Variants in ETV6 observed in about 807,000 individuals in gnomAD.
ETV6 encodes the protein ETS variant transcription factor 6.
A neutral mutation model predicts 51.1 loss-of-function variants in ETV6; 16 were observed. The ratio of observed to expected loss-of-function variants is 0.31; its 90% CI spans 0.21 to 0.48. The LOEUF (loss-of-function observed/expected upper bound fraction) is 0.48, where lower values mean the gene tolerates loss of function less well. Ranked by LOEUF, ETV6 falls within the 20% of genes least tolerant of loss-of-function variation. The probability of loss-of-function intolerance (pLI) is 0.99; values close to 1 mark genes in which losing one functional copy is unlikely to be tolerated. For missense variants in ETV6, 458 were observed against 594.8 expected (o/e 0.77, Z 2.39); for synonymous variants, 240 against 224.1 (o/e 1.07, Z -0.64).
intron 4 of ETV6, among the ~76,000 whole-genome samples, chr12:11,856,204 C>G (rs1457519243): frequency 1.3e-5 from 2 of 152,060 alleles, no homozygotes; most frequent in African/African-American, 2.4e-5. Flanking sequence ...GAGAGCTGCT[C>G]GCAAACCAAG....
intron 2 of ETV6, among the ~76,000 whole-genome samples, chr12:11,774,107 G>A (rs1012060037): frequency 6.6e-6 from 1 of 152,120 alleles, no homozygotes; most frequent in African/African-American, 2.4e-5. Context: ...CATGGAAGAG[G>A]AAGTTGGCAG....
chr12:11,731,227 CCTT>C (rs1282463091), intron 1 of ETV6, among the ~76,000 whole-genome samples: 3 of 152,178 alleles, frequency 2.0e-5, no homozygotes, highest in South Asian at 2.1e-4. Context: ...AAAGGTATGT[CCTT>C]CTTATTCGGT....
At chr12:11,662,514 T>C (rs1565477170) in intron 1 of ETV6, among the ~76,000 whole-genome samples, 1 of 152,206 alleles carries the variant, frequency 6.6e-6, no homozygotes, top group Admixed American at 6.5e-5. Flanking sequence ...TGTTGAACAG[T>C]CTGATTTAAG....
intron 1 of ETV6, among the ~76,000 whole-genome samples, chr12:11,728,575 A>C (rs79904152): frequency 3.0e-3 from 462 of 152,294 alleles, no homozygotes; most frequent in African/African-American, 0.01. Flanking sequence ...GTCCGTGGAA[A>C]AATGTTCTTC....
chr12:11,730,594 C>T (rs763848918), intron 1 of ETV6, among the ~76,000 whole-genome samples: 14 of 152,196 alleles, frequency 9.2e-5, no homozygotes, highest in Admixed American at 2.0e-4. Flanking sequence ...AGCCATGTTG[C>T]GGGGTGGACA....
At chr12:11,815,000 G>C (rs968020751) in intron 2 of ETV6, among the ~76,000 whole-genome samples, 4 of 152,152 alleles carry the variant, frequency 2.6e-5, no homozygotes, top group Admixed American at 6.5e-5. Flanking sequence ...AAGCCTAAAG[G>C]AGAAGGAAAC....
chr12:11,877,669 C>A (rs1947012070), intron 5 of ETV6, among the ~76,000 whole-genome samples: 1 of 152,014 alleles, frequency 6.6e-6, no homozygotes, highest in Admixed American at 6.6e-5. Context: ...GACAGATGGC[C>A]CCGAACAGTC....
chr12:11,773,408 G>A (rs1227184473), intron 2 of ETV6, among the ~76,000 whole-genome samples: 2 of 152,098 alleles, frequency 1.3e-5, no homozygotes, highest in Non-Finnish European at 2.9e-5. Flanking sequence ...TTGACATGAT[G>A]TCGGAATGAA....
intron 1 of ETV6, among the ~76,000 whole-genome samples, chr12:11,650,488 A>AAAACC (rs1555109496): frequency 1.5e-5 from 1 of 64,642 alleles, no homozygotes; most frequent in African/African-American, 5.0e-5. Flanking sequence ...GCTTAAAAAA[A>AAAACC]AAAAAAACAA....
chr12:11,883,318 G>C (rs965387208), intron 5 of ETV6, among the ~76,000 whole-genome samples: 34 of 70,354 alleles, frequency 4.8e-4, no homozygotes, highest in African/African-American at 2.5e-3. Context: ...TTTTGAGACT[G>C]AGTCTCACTT....
At chr12:11,727,199 C>G (rs540033393) in intron 1 of ETV6, among the ~76,000 whole-genome samples, 2 of 152,356 alleles carry the variant, frequency 1.3e-5, no homozygotes, top group East Asian at 1.9e-4. Context: ...TAAACAACCA[C>G]CCTGGATTGA....
intron 2 of ETV6, among the ~76,000 whole-genome samples, chr12:11,764,998 GC>G (rs1203984559): frequency 6.6e-6 from 1 of 152,148 alleles, no homozygotes; most frequent in Non-Finnish European, 1.5e-5. Flanking sequence ...AGAAGCCAAA[GC>G]CCTATTGCCT....
chr12:11,727,091 T>G (rs933895379), intron 1 of ETV6, among the ~76,000 whole-genome samples: 4 of 152,156 alleles, frequency 2.6e-5, no homozygotes, highest in African/African-American at 9.7e-5. Context: ...GAAGAGACAT[T>G]GTCTGTATTG....
intron 2 of ETV6, among the ~76,000 whole-genome samples, chr12:11,818,531 C>CAAAA (rs1221844259): frequency 1.2e-5 from 1 of 80,202 alleles, no homozygotes. Context: ...GACTCTGTCT[C>CAAAA]AAAAAAAAAA....
chr12:11,709,344 CCTCCTCTCCT>C (rs556332418), intron 1 of ETV6, among the ~76,000 whole-genome samples: 9 of 151,916 alleles, frequency 5.9e-5, no homozygotes, highest in Admixed American at 5.2e-4. Context: ...TTTCTTCTCT[CCTCCTCTCCT>C]CTCCTCTCCT....
At chr12:11,790,679 CTTTTT>C (rs5796466) in intron 2 of ETV6, among the ~76,000 whole-genome samples, 8 of 100,366 alleles carry the variant, frequency 8.0e-5, no homozygotes, top group Admixed American at 6.3e-4. Context: ...AGAGGATAAA[CTTTTT>C]TTTTTTTTTT....
intron 2 of ETV6, among the ~76,000 whole-genome samples, chr12:11,818,862 C>T (rs925512645): frequency 6.6e-6 from 1 of 152,098 alleles, no homozygotes; most frequent in Non-Finnish European, 1.5e-5. Context: ...CTCACCTCCT[C>T]CTGCAGAGGG....
chr12:11,760,612 G>T (rs985035555), intron 2 of ETV6, among the ~76,000 whole-genome samples: 4 of 152,180 alleles, frequency 2.6e-5, no homozygotes, highest in African/African-American at 4.8e-5. Flanking sequence ...AATTATAGGG[G>T]TATCCAGCAA....
In ETV6 at chr12:11,752,462, T is replaced by G. The variant is rs1866050780; in HGVS notation, c.46T>G (p.Ser16Ala). The change falls in exon 2 of 8, where the codon TCA becomes GCA. Residue 16 changes from serine (S) to alanine (A), a missense_variant. Ser to Ala is a moderately conservative substitution (Grantham distance 99). Coordinates refer to ENST00000396373, the MANE Select transcript of ETV6 (RefSeq NM_001987.5). ...TTATTTTTAACAGCAGGAACGAATT[T>G]CATATACACCTCCAGAGAGCCCAGT... is the stretch of plus-strand genomic sequence containing the variant. ...AQCSIKQERI[S>A]YTPPESPVPS... 6.2e-7 allele frequency: 1 copy of G among 1,611,970 alleles called. No individual in the cohort carries two copies. The highest frequency in any genetic ancestry group is 8.5e-7 in the Non-Finnish European group (1 of 1,178,566).
Sources: allele counts gnomAD v4.1 joint callset (sites outside exome capture counted in the v4.1 genomes callset), GRCh38; gene constraint gnomAD v4.1.1; transcripts MANE v1.5; gene names NCBI Gene and HGNC (gene_info 2026-07-23, HGNC 2026-07-21).